The following GOLGA8B variants were observed in gnomAD, a reference collection of about 807,000 sequenced individuals.
GOLGA8B encodes the protein golgin subfamily A member 8B.
A neutral mutation model predicts 15.6 loss-of-function variants in GOLGA8B; 1 was observed. The ratio of observed to expected loss-of-function variants is 0.06; its 90% CI spans 0.02 to 0.30. The LOEUF (loss-of-function observed/expected upper bound fraction) is 0.30, where lower values mean the gene tolerates loss of function less well. Ranked by LOEUF, GOLGA8B falls within the 10% of genes least tolerant of loss-of-function variation. The pLI is 1.00. For missense variants in GOLGA8B, 17 were observed against 201.3 expected (o/e 0.08, Z 5.54); for synonymous variants, 9 against 80.3 (o/e 0.11, Z 4.75).
At chr15:34,554,460 T>A in intron 1 of GOLGA8B, among the ~76,000 whole-genome samples, 1 of 129,048 alleles carries the variant, frequency 7.7e-6, no homozygotes, top group Middle Eastern at 4.3e-3. Flanking sequence ...ACTGCATACA[T>A]ATCACACACC....
rs1566932966 is a variant in GOLGA8B, at chr15:34,557,643, A to AGTGT, written c.-1122-3688_-1122-3687insACAC. On this transcript the variant is annotated intron_variant, in intron 1 of 23. Transcript: ENST00000683415. The stretch of plus-strand genomic sequence containing the variant: ...TATTTTTTTCTGAGAAGAATTCATG[A>AGTGT]ATGTGTGTGTGTGTGTGTGTGTGTG... 8.2e-4 allele frequency among the ~76,000 whole-genome samples: 26 copies of AGTGT among 31,516 alleles called. 2 individuals carry two copies. The highest frequency in any genetic ancestry group is 3.5e-3 in the African/African-American group (21 of 5,984). 20.7% of individuals were successfully genotyped at this position (31,516 alleles called of 152,430 possible).
chr15:34,569,822 G>A (rs1431496176), intron 1 of GOLGA8B, among the ~76,000 whole-genome samples: 1 of 150,476 alleles, frequency 6.6e-6, no homozygotes, highest in East Asian at 1.9e-4. Flanking sequence ...CCTGCAGGGC[G>A]GACACTCCAA....
chr15:34,573,375 A>T (rs1377193041), intron 1 of GOLGA8B, among the ~76,000 whole-genome samples: 1 of 151,868 alleles, frequency 6.6e-6, no homozygotes, highest in Non-Finnish European at 1.5e-5. Flanking sequence ...CGTCTGTACT[A>T]AAAATACAAA....
rs1328122907 is a variant in GOLGA8B, at chr15:34,543,395, C to T, written c.-382+1463G>A. On this transcript the variant is annotated intron_variant, in intron 7 of 23. Transcript: ENST00000683415. Reference sequence around the variant, plus strand: ...GGTGGTGGGGTATTTTTTGGAGAAACGAGTTCTCACCATGCTGCCCAGGCT... The same window carrying T: ...GGTGGTGGGGTATTTTTTGGAGAAATGAGTTCTCACCATGCTGCCCAGGCT... 3.0e-3 allele frequency among the ~76,000 whole-genome samples: 426 copies of T among 143,468 alleles called. 1 individual carries two copies. The highest frequency in any genetic ancestry group is 0.011 in the African/African-American group (409 of 38,322). 94.1% of individuals were successfully genotyped at this position (143,468 alleles called of 152,430 possible).
intron 1 of GOLGA8B, among the ~76,000 whole-genome samples, chr15:34,580,999 C>A (rs1432550065): frequency 6.6e-6 from 1 of 152,208 alleles, no homozygotes; most frequent in East Asian, 1.9e-4. Flanking sequence ...AGGCCCAGAG[C>A]TCTCTCCGTT....
At chr15:34,562,680 C>CT (rs1260093143) in intron 1 of GOLGA8B, among the ~76,000 whole-genome samples, 1 of 121,142 alleles carries the variant, frequency 8.3e-6, no homozygotes, top group African/African-American at 2.8e-5. Context: ...CATTTGTCAT[C>CT]TTTTTTAAAA....
At chr15:34,581,270 G>A (rs1889224809) in intron 1 of GOLGA8B, among the ~76,000 whole-genome samples, 1 of 152,114 alleles carries the variant, frequency 6.6e-6, no homozygotes, top group Non-Finnish European at 1.5e-5. Flanking sequence ...CTTCAGCCAG[G>A]TTCAACCCCC....
intron 1 of GOLGA8B, among the ~76,000 whole-genome samples, chr15:34,559,612 G>C (rs1436689146): frequency 9.6e-5 from 9 of 93,332 alleles, no homozygotes; most frequent in African/African-American, 3.8e-4. Flanking sequence ...GATTGATCAG[G>C]GGGCTGTGCA....
chr15:34,527,334 TTG>T lies in GOLGA8B; in HGVS notation c.*296_*297del, dbSNP rs1888080731. The T allele has an allele frequency of 2.4e-6, 1 of 410,368 alleles. No individual in the cohort carries two copies. The allele number at this position is 410,368 out of a possible 1,614,324, so 25.4% of individuals were successfully genotyped here. The stretch of plus-strand genomic sequence containing the variant: ...ACAGTTTTGTGCAAAGAGTGGGTCT[TTG>T]TGTGTTTGAACTCCCACCACGTAAG... On this transcript the variant is annotated 3_prime_UTR_variant, in exon 24 of 24. Coordinates refer to ENST00000683415, the MANE Select transcript of GOLGA8B (RefSeq NM_001023567.5).
chr15:34,525,121 TTG>T lies in GOLGA8B; in HGVS notation c.*2509_*2510del, dbSNP rs1472032365. 6.7e-6 allele frequency: 1 copy of T among 149,858 alleles called. No homozygotes were observed. Among genetic ancestry groups the T allele is most frequent in the Non-Finnish European group, 1.5e-5 (1 of 67,300 alleles). 9.3% of individuals were successfully genotyped at this position (149,858 alleles called of 1,614,324 possible). ...TTTTTAATCCCATACCTTTTTTATT[TTG>T]TGTTCTTTTAATAAACACTTGCATA... On this transcript the variant is annotated 3_prime_UTR_variant, in exon 24 of 24. Coordinates refer to ENST00000683415, the MANE Select transcript of GOLGA8B (RefSeq NM_001023567.5).
chr15:34,545,199 T>C (rs1888280941), intron 6 of GOLGA8B, among the ~76,000 whole-genome samples, 179 bp downstream of exon 6: 1 of 113,576 alleles, frequency 8.8e-6, no homozygotes, highest in African/African-American at 4.0e-5. Context: ...TATCCCAGCA[T>C]AGATGCAGCA....
At chr15:34,573,133 G>C (rs141497719) in intron 1 of GOLGA8B, among the ~76,000 whole-genome samples, 129 of 152,328 alleles carry the variant, frequency 8.5e-4, no homozygotes, top group Middle Eastern at 6.8e-3. Context: ...TTAATGATTA[G>C]CTCTGGTGGG....
chr15:34,578,412 T>C (rs1218549905), intron 1 of GOLGA8B, among the ~76,000 whole-genome samples: 1 of 152,156 alleles, frequency 6.6e-6, no homozygotes, highest in Non-Finnish European at 1.5e-5. Context: ...TGCCCACCAA[T>C]GGTCATAAGT....
In GOLGA8B at chr15:34,551,151, CTT is replaced by C. The variant is rs2140337326; in HGVS notation, c.-590_-589del. On this transcript the variant is annotated 5_prime_UTR_variant, in exon 4 of 24. The change abolishes the stop of an existing upstream ORF in the 5' untranslated region. Coordinates refer to ENST00000683415, the MANE Select transcript of GOLGA8B (RefSeq NM_001023567.5). ...ATACACACTTACGCAGTTAAATGCT[CTT>C]GTCTTTCAGTCTTCCTAATTTCTCT... 1 of 53,160 alleles carries C rather than the reference CTT, an allele frequency of 1.9e-5. No individual in the cohort carries two copies. The highest frequency in any genetic ancestry group is 4.3e-4 in the East Asian group (1 of 2,322). The allele number at this position is 53,160 out of a possible 1,614,324, so 3.3% of individuals were successfully genotyped here.
intron 22 of GOLGA8B, 44 bp downstream of exon 22, chr15:34,528,144 AC>A: frequency 2.9e-6 from 1 of 345,808 alleles, no homozygotes; most frequent in East Asian, 4.2e-5. Flanking sequence ...CCCCACCCAC[AC>A]CCCCACCCCA....
intron 1 of GOLGA8B, among the ~76,000 whole-genome samples, chr15:34,554,376 C>T (rs1595702274): frequency 6.6e-6 from 1 of 152,044 alleles, no homozygotes; most frequent in African/African-American, 2.4e-5. Context: ...GCACCACACA[C>T]ATACCATGCC....
intron 1 of GOLGA8B, among the ~76,000 whole-genome samples, chr15:34,573,147 C>T (rs201142009): frequency 1.1e-4 from 16 of 152,278 alleles, no homozygotes; most frequent in African/African-American, 3.9e-4. Flanking sequence ...TGGTGGGGAG[C>T]GCTGCCCCTC....
intron 1 of GOLGA8B, among the ~76,000 whole-genome samples, chr15:34,577,853 G>A (rs956254184): frequency 3.9e-5 from 6 of 152,114 alleles, no homozygotes; most frequent in Non-Finnish European, 2.9e-5. Flanking sequence ...AAGTTGCTCC[G>A]GTGAGTCAGT....
At chr15:34,570,483 G>A (rs1249888740) in intron 1 of GOLGA8B, among the ~76,000 whole-genome samples, 2 of 117,258 alleles carry the variant, frequency 1.7e-5, no homozygotes, top group Admixed American at 1.9e-4. Context: ...TGAGCTACAG[G>A]GACCCCCAGT....
Sources: gnomAD v4.1 joint callset for allele counts (sites outside exome capture counted in the v4.1 genomes callset) on GRCh38, gnomAD v4.1.1 for gene constraint, MANE v1.5 for transcripts, NCBI Gene and HGNC (gene_info 2026-07-23, HGNC 2026-07-21) for gene names.